The following RERE variants were observed in gnomAD, a reference collection of about 807,000 sequenced individuals.
The protein encoded by RERE is arginine-glutamic acid dipeptide repeats protein.
In RERE, 40 loss-of-function variants were observed where a neutral mutation model predicts 146.1. The observed-to-expected ratio is 0.27, with a 90% confidence interval of 0.21 to 0.36. RERE has a LOEUF of 0.36. RERE is among the 10% of genes least tolerant of loss of function. RERE has a pLI of 1.00. For missense variants in RERE, 1,933 were observed against 2,138.7 expected (o/e 0.90, Z 1.90); for synonymous variants, 1,003 against 866.0 (o/e 1.16, Z -2.78).
chr1:8,714,459 C>T (rs898768793), intron 1 of RERE, among the ~76,000 whole-genome samples: 2 of 152,114 alleles, frequency 1.3e-5, no homozygotes, highest in Admixed American at 6.6e-5. Context: ...AGTTCTATAC[C>T]CGGCCAAACT....
At chr1:8,422,022 G>A (rs964286006) in intron 12 of RERE, among the ~76,000 whole-genome samples, 8 of 152,194 alleles carry the variant, frequency 5.3e-5, no homozygotes, top group Admixed American at 2.6e-4. Flanking sequence ...CAACCACAGG[G>A]AAATGAGAAT....
chr1:8,798,975 A>T (rs1441074259), intron 1 of RERE, among the ~76,000 whole-genome samples: 1 of 143,822 alleles, frequency 7.0e-6, no homozygotes, highest in Non-Finnish European at 1.5e-5. Context: ...TACAGGCGTG[A>T]GCCACTGTGC....
intron 1 of RERE, among the ~76,000 whole-genome samples, chr1:8,776,851 C>G (rs1641073390): frequency 6.6e-6 from 1 of 151,958 alleles, no homozygotes; most frequent in Non-Finnish European, 1.5e-5. Flanking sequence ...TCCGGAATAG[C>G]TGAGAGTGTA....
intron 1 of RERE, among the ~76,000 whole-genome samples, chr1:8,760,269 C>T (rs1002504952): frequency 2.0e-5 from 3 of 152,192 alleles, no homozygotes; most frequent in South Asian, 2.1e-4. Flanking sequence ...TCAGGTGATC[C>T]GCCCGCCTCG....
At chr1:8,401,054 T>C (rs867184394) in intron 12 of RERE, among the ~76,000 whole-genome samples, 20 of 113,312 alleles carry the variant, frequency 1.8e-4, no homozygotes, top group African/African-American at 6.9e-4. Flanking sequence ...TATATATATA[T>C]ATATATATAT....
chr1:8,471,688 A>T (rs1430801912), intron 10 of RERE, among the ~76,000 whole-genome samples: 4 of 151,236 alleles, frequency 2.6e-5, no homozygotes, highest in South Asian at 4.2e-4. Context: ...AATTTTTTTT[A>T]TTTTTTGTAG....
intron 8 of RERE, among the ~76,000 whole-genome samples, chr1:8,505,124 G>A (rs1379118181): frequency 6.6e-6 from 1 of 152,160 alleles, no homozygotes; most frequent in Non-Finnish European, 1.5e-5. Context: ...GGGGGACTAG[G>A]GGAAGGACCT....
At chr1:8,467,218 T>C (rs1046525539) in intron 10 of RERE, among the ~76,000 whole-genome samples, 1 of 152,236 alleles carries the variant, frequency 6.6e-6, no homozygotes, top group African/African-American at 2.4e-5. Context: ...ATTTTAACAA[T>C]GAGCCAGCAT....
chr1:8,687,693 T>C (rs557236394), intron 1 of RERE, among the ~76,000 whole-genome samples: 1 of 152,360 alleles, frequency 6.6e-6, no homozygotes, highest in East Asian at 1.9e-4. Flanking sequence ...TTTCACACCA[T>C]ATTCATAATT....
At position 8,668,924 on chromosome 1, in the gene RERE, CTGTGTGTGTGTG is replaced by C. The variant is rs58718828; in HGVS notation, c.-144-12495_-144-12484del. 4.1e-3 allele frequency among the ~76,000 whole-genome samples: 341 copies of C among 83,536 alleles called. 21 individuals are homozygous for C. Among genetic ancestry groups the C allele is most frequent in the African/African-American group, 0.014 (319 of 23,510 alleles). The allele number at this position is 83,536 out of a possible 152,430, so 54.8% of individuals were successfully genotyped here. ...TGAATATTCTAAAATGCACTAAACT[CTGTGTGTGTGTG>C]TGTGTGTGTGTGTGTGTGTGTGTGT... is the stretch of plus-strand genomic sequence containing the variant. On this transcript the variant is annotated intron_variant, in intron 1 of 22. Coordinates refer to ENST00000400908, the MANE Select transcript of RERE (RefSeq NM_001042681.2).
At chr1:8,411,280 T>TA (rs1643607482) in intron 12 of RERE, among the ~76,000 whole-genome samples, 1 of 151,266 alleles carries the variant, frequency 6.6e-6, no homozygotes, top group Non-Finnish European at 1.5e-5. Flanking sequence ...AGTCACCTGA[T>TA]AGATTTACAA....
At chr1:8,495,276 C>T in intron 9 of RERE, 114 bp from the exon 10 acceptor site, 1 of 708,410 alleles carries the variant, frequency 1.4e-6, no homozygotes, top group East Asian at 2.7e-5. Context: ...TTACTACACG[C>T]ATGATGAACC....
At chr1:8,483,427 G>A (rs552728077) in intron 10 of RERE, among the ~76,000 whole-genome samples, 2 of 152,210 alleles carry the variant, frequency 1.3e-5, no homozygotes, top group African/African-American at 4.8e-5. Context: ...CTTTAGTGAA[G>A]GCCATTTATA....
intron 4 of RERE, among the ~76,000 whole-genome samples, chr1:8,604,066 G>C (rs183556970): frequency 6.6e-6 from 1 of 152,274 alleles, no homozygotes; most frequent in East Asian, 1.9e-4. Context: ...CCATCCATCA[G>C]AATCTCCTGA....
chr1:8,652,966 C>A (rs898999026), intron 2 of RERE, among the ~76,000 whole-genome samples: 1 of 152,148 alleles, frequency 6.6e-6, no homozygotes, highest in Non-Finnish European at 1.5e-5. Flanking sequence ...CACAAGTAGC[C>A]GAGACTAAAA....
chr1:8,629,492 C>A (rs1647010544), intron 2 of RERE, among the ~76,000 whole-genome samples: 1 of 152,152 alleles, frequency 6.6e-6, no homozygotes, highest in Non-Finnish European at 1.5e-5. Context: ...ATTCTCAAGG[C>A]AAAGAAGGCC....
At chr1:8,571,342 C>T (rs1011888547) in intron 4 of RERE, among the ~76,000 whole-genome samples, 3 of 152,132 alleles carry the variant, frequency 2.0e-5, no homozygotes, top group African/African-American at 7.2e-5. Flanking sequence ...GCTTTTTGTA[C>T]CACTGCTGTC....
In RERE at chr1:8,655,958, C is replaced by A. The variant is rs372853432; in HGVS notation, c.325+15G>T. ...ACTGTAAACATTGGCAAGACCCAAACGTAAGGCTCCTTACCTCCTGGTCTG... is the reference window on the plus strand; with the variant it reads ...ACTGTAAACATTGGCAAGACCCAAAAGTAAGGCTCCTTACCTCCTGGTCTG... On this transcript the variant is annotated intron_variant, in intron 2 of 22. Transcript: ENST00000400908. 6.2e-7 allele frequency: 1 copy of A among 1,608,924 alleles called. No homozygotes were observed. The highest frequency in any genetic ancestry group is 8.5e-7 in the Non-Finnish European group (1 of 1,177,606).
intron 1 of RERE, among the ~76,000 whole-genome samples, chr1:8,721,804 A>G (rs1639869477): frequency 6.6e-6 from 1 of 152,228 alleles, no homozygotes; most frequent in African/African-American, 2.4e-5. Flanking sequence ...TGGGTCCCTC[A>G]GTGCTAGCTA....
Sources: allele counts gnomAD v4.1 joint callset (sites outside exome capture counted in the v4.1 genomes callset), GRCh38; gene constraint gnomAD v4.1.1; transcripts MANE v1.5; gene names NCBI Gene and HGNC (gene_info 2026-07-23, HGNC 2026-07-21).